The following MAD1L1 variants were observed in gnomAD, a reference collection of about 807,000 sequenced individuals.
The protein encoded by MAD1L1 is mitotic spindle assembly checkpoint protein MAD1.
A neutral mutation model predicts 96.9 loss-of-function variants in MAD1L1; 95 were observed. The ratio of observed to expected loss-of-function variants is 0.98; its 90% CI spans 0.83 to 1.16. MAD1L1 has a LOEUF of 1.16. MAD1L1 is among the 50% of genes most tolerant of loss of function. MAD1L1 has a pLI of 0.00. For synonymous variants in MAD1L1, 473 were observed against 396.6 expected, an observed-to-expected ratio of 1.19 and a Z score of -2.29; for missense variants, 1,007 against 954.4, an observed-to-expected ratio of 1.06 and a Z score of -0.73.
intron 16 of MAD1L1, among the ~76,000 whole-genome samples, chr7:1,945,221 C>T (rs529201042): frequency 1.6e-3 from 240 of 152,382 alleles, no homozygotes; most frequent in Admixed American, 3.6e-3. Context: ...AGCCTAAACA[C>T]TCATCTCAGT....
chr7:1,839,632 G>A (rs1279193117), intron 18 of MAD1L1, among the ~76,000 whole-genome samples: 2 of 152,222 alleles, frequency 1.3e-5, no homozygotes, highest in Non-Finnish European at 2.9e-5. Context: ...GTTTAAACGC[G>A]CGAGATGGGA....
At chr7:1,834,034 T>C (rs1782830512) in intron 18 of MAD1L1, among the ~76,000 whole-genome samples, 1 of 152,172 alleles carries the variant, frequency 6.6e-6, no homozygotes, top group Non-Finnish European at 1.5e-5. Flanking sequence ...GAACGGCATC[T>C]GGAGATTTTC....
At chr7:1,870,673 G>GT (rs1785019517) in intron 18 of MAD1L1, among the ~76,000 whole-genome samples, 1 of 74,474 alleles carries the variant, frequency 1.3e-5, no homozygotes, top group Non-Finnish European at 2.5e-5. Flanking sequence ...TGAACCCACC[G>GT]TAACACCTGC....
chr7:1,933,101 C>T (rs957672274), intron 17 of MAD1L1, among the ~76,000 whole-genome samples: 3 of 152,066 alleles, frequency 2.0e-5, no homozygotes, highest in African/African-American at 4.8e-5. Flanking sequence ...GTTCCCTCCC[C>T]GCTGACGCTG....
intron 11 of MAD1L1, among the ~76,000 whole-genome samples, chr7:2,075,620 A>C (rs539817875): frequency 6.6e-6 from 1 of 151,876 alleles, no homozygotes; most frequent in Non-Finnish European, 1.5e-5. Flanking sequence ...GCCAGCCTCT[A>C]CTCAAAGAAC....
chr7:2,046,651 GC>G (rs1429637640), intron 12 of MAD1L1, among the ~76,000 whole-genome samples: 1 of 152,176 alleles, frequency 6.6e-6, no homozygotes, highest in Non-Finnish European at 1.5e-5. Context: ...TCACCCGCCT[GC>G]CCTACACTAA....
chr7:1,912,801 G>T (rs542012689), intron 17 of MAD1L1, among the ~76,000 whole-genome samples: 3 of 152,176 alleles, frequency 2.0e-5, no homozygotes. Flanking sequence ...CACAGAACAC[G>T]GCCACCTCAT....
chr7:2,084,720 G>T (rs9654939), intron 11 of MAD1L1, among the ~76,000 whole-genome samples: 6,915 of 152,212 alleles, frequency 0.045, 251 homozygotes, highest in African/African-American at 0.095. Context: ...ACATCTCCTG[G>T]AACGTCCTGA....
intron 11 of MAD1L1, among the ~76,000 whole-genome samples, chr7:2,121,874 G>A (rs2128561664): frequency 6.6e-6 from 1 of 152,320 alleles, no homozygotes; most frequent in East Asian, 1.9e-4. Flanking sequence ...GGCACAGCAG[G>A]AACACAGACC....
intron 11 of MAD1L1, among the ~76,000 whole-genome samples, chr7:2,125,994 T>TCCTGGAGC (rs1048114364): frequency 1.8e-4 from 28 of 152,138 alleles, no homozygotes; most frequent in African/African-American, 6.3e-4. Context: ...CCAGGCGGCC[T>TCCTGGAGC]CCTGGAGAGG....
At chr7:2,030,242 C>T (rs1018187904) in intron 12 of MAD1L1, among the ~76,000 whole-genome samples, 2 of 152,192 alleles carry the variant, frequency 1.3e-5, no homozygotes, top group Non-Finnish European at 2.9e-5. Flanking sequence ...TGAGGAGGTT[C>T]CCCCAGCCCA....
intron 10 of MAD1L1, among the ~76,000 whole-genome samples, chr7:2,184,289 C>T (rs554963498): frequency 1.3e-5 from 2 of 151,938 alleles, no homozygotes; most frequent in Admixed American, 6.6e-5. Flanking sequence ...AGAAAGGGCT[C>T]AACATATTCA....
chr7:2,219,537 G>A (rs940474451), intron 5 of MAD1L1, 81 bp from the exon 6 acceptor site: 103 of 1,502,192 alleles, frequency 6.9e-5, no homozygotes, highest in Non-Finnish European at 6.3e-5. Context: ...GATGAGAAGA[G>A]TGGAGAGGCG....
intron 18 of MAD1L1, among the ~76,000 whole-genome samples, chr7:1,886,007 T>C (rs1192426282): frequency 2.6e-5 from 4 of 152,176 alleles, no homozygotes; most frequent in Non-Finnish European, 5.9e-5. Flanking sequence ...TCCTACTGCC[T>C]CCACCCCACG....
intron 18 of MAD1L1, among the ~76,000 whole-genome samples, chr7:1,835,147 G>T (rs1028814185): frequency 1.3e-5 from 2 of 151,760 alleles, no homozygotes; most frequent in East Asian, 3.9e-4. Flanking sequence ...CAGCAAACTA[G>T]GATTAGAAGA....
At chr7:2,005,503 T>A (rs992902691) in intron 13 of MAD1L1, among the ~76,000 whole-genome samples, 3 of 152,106 alleles carry the variant, frequency 2.0e-5, no homozygotes, top group Non-Finnish European at 4.4e-5. Context: ...TCTGTTACCA[T>A]AAAGAGAAAT....
intron 18 of MAD1L1, among the ~76,000 whole-genome samples, chr7:1,872,965 C>T (rs1223045558): frequency 6.6e-6 from 1 of 152,178 alleles, no homozygotes; most frequent in Non-Finnish European, 1.5e-5. Context: ...AGAGAGATGG[C>T]CGTGATCTTT....
intron 18 of MAD1L1, among the ~76,000 whole-genome samples, chr7:1,876,125 C>G (rs907399738): frequency 6.6e-6 from 1 of 152,284 alleles, no homozygotes; most frequent in Non-Finnish European, 1.5e-5. Context: ...GTGGTGGACA[C>G]GGCCAGGTCT....
rs1051748122 is a variant in MAD1L1, at chr7:2,119,286, C to G, written c.1073+29866G>C. ...GAGTGCCCCGCCCCTGGTTCACAGA[C>G]ATGAGAAGCTCCCAGGCCATGGCTC... On this transcript the variant is annotated intron_variant, in intron 11 of 18. Transcript: ENST00000265854. The surrounding 1 kb of genome is among the most constrained non-coding windows in gnomAD (Gnocchi z 4.6). Among the ~76,000 whole-genome samples, 2 of 152,216 alleles carry G rather than the reference C, an allele frequency of 1.3e-5. No homozygotes were observed. The highest frequency in any genetic ancestry group is 4.8e-5 in the African/African-American group (2 of 41,458).
Sources: allele counts gnomAD v4.1 joint callset (sites outside exome capture counted in the v4.1 genomes callset), GRCh38; gene constraint gnomAD v4.1.1; non-coding constraint Gnocchi (gnomAD v3.1); transcripts MANE v1.5; gene names NCBI Gene and HGNC (gene_info 2026-07-23, HGNC 2026-07-21).